Variants in ZNF536 observed in about 807,000 individuals in gnomAD.
The protein encoded by ZNF536 is zinc finger protein 536.
ZNF536 carries 13 observed loss-of-function variants against 84.5 expected under a neutral mutation model. The observed-to-expected ratio is 0.15, with a 90% CI of 0.10 to 0.24. The LOEUF (loss-of-function observed/expected upper bound fraction) is 0.24. Ranked by LOEUF, ZNF536 falls within the 10% of genes least tolerant of loss-of-function variation. The pLI is 1.00. For synonymous variants in ZNF536, 811 were observed against 742.5 expected (o/e 1.09, Z -1.50); for missense variants, 1,536 against 1,747.5 (o/e 0.88, Z 2.16).
chr19:30,353,651 C>T (rs899682999), intron 3 of ZNF536, among the ~76,000 whole-genome samples: 2 of 152,068 alleles, frequency 1.3e-5, no homozygotes, highest in Admixed American at 6.6e-5. Flanking sequence ...CACAGCATAT[C>T]GCCGGCAGGA....
chr19:30,523,147 G>A (rs761897938), intron 2 of ZNF536, among the ~76,000 whole-genome samples: 24 of 152,110 alleles, frequency 1.6e-4, no homozygotes, highest in Admixed American at 2.6e-4. Context: ...TGGGGTTGGC[G>A]CGGGGGCACT....
rs188307884 is a variant in ZNF536, at chr19:30,356,950, T to C, written c.-3+4466T>C. Among the ~76,000 whole-genome samples, 476 of 152,314 alleles carry C rather than the reference T, an allele frequency of 3.1e-3. 1 individual carries two copies. Among genetic ancestry groups the C allele is most frequent in the Middle Eastern group, 0.01 (3 of 294 alleles). ...TTCTTCCTGCCTCAAACCTGGTGGT[T>C]CGAGCATGGTTCTTCCCAATTTTAG... On this transcript the variant is annotated intron_variant, in intron 3 of 5. Transcript: ENST00000585628.
At chr19:30,365,919 G>GCCT (rs1239740945) in intron 3 of ZNF536, among the ~76,000 whole-genome samples, 1 of 152,064 alleles carries the variant, frequency 6.6e-6, no homozygotes, top group African/African-American at 2.4e-5. Flanking sequence ...AATTATATAA[G>GCCT]CCTTCATTTT....
chr19:30,587,706 G>T (rs2047141682), intron 1 of ZNF536, among the ~76,000 whole-genome samples: 1 of 152,222 alleles, frequency 6.6e-6, no homozygotes, highest in Non-Finnish European at 1.5e-5. Context: ...AGACTTCTGG[G>T]GAAAAGCTCC....
At chr19:30,693,021 G>A (rs34254453) in intron 1 of ZNF536, among the ~76,000 whole-genome samples, 42,830 of 150,288 alleles carry the variant, frequency 0.28, 6,642 homozygotes, top group East Asian at 0.44. Context: ...AAAACCTGGG[G>A]GGGAGAGAGA....
intron 1 of ZNF536, among the ~76,000 whole-genome samples, chr19:30,660,366 T>C (rs1360380742): frequency 6.6e-6 from 1 of 152,164 alleles, no homozygotes; most frequent in East Asian, 1.9e-4. Context: ...ATCTCTGATG[T>C]TGGGAAATGC....
intron 2 of ZNF536, among the ~76,000 whole-genome samples, chr19:30,305,573 G>A (rs2046317652): frequency 6.6e-6 from 1 of 152,196 alleles, no homozygotes; most frequent in Non-Finnish European, 1.5e-5. Context: ...TCATCACTGA[G>A]AAGCTGCAGG....
intron 1 of ZNF536, among the ~76,000 whole-genome samples, chr19:30,655,777 A>G (rs1011030702): frequency 6.6e-6 from 1 of 152,156 alleles, no homozygotes; most frequent in African/African-American, 2.4e-5. Context: ...GGTGGCTTAC[A>G]CCTGTAATCC....
intron 2 of ZNF536, among the ~76,000 whole-genome samples, chr19:30,487,723 G>A (rs1276273470): frequency 6.6e-6 from 1 of 152,196 alleles, no homozygotes; most frequent in African/African-American, 2.4e-5. Flanking sequence ...AGAGATAGTA[G>A]TAAACTAGCA....
rs1477305965 is a variant in ZNF536, at chr19:30,546,202, G to A, written c.2324-1741G>A. Among the ~76,000 whole-genome samples, 9 of 152,226 alleles carry A rather than the reference G, an allele frequency of 5.9e-5. No individual in the cohort carries two copies. The South Asian group carries it at 1.7e-3, about 28-fold the overall frequency. On this transcript the variant is annotated intron_variant, in intron 3 of 4. Coordinates refer to ENST00000355537, the MANE Select transcript of ZNF536 (RefSeq NM_014717.3). The stretch of plus-strand genomic sequence containing the variant: ...GATGTCTACATAGCAGTAGCTCAAT[G>A]AGTCTGAGTCTAACCTGGGACTGAC...
intron 4 of ZNF536, among the ~76,000 whole-genome samples, chr19:30,550,120 C>T (rs748786444): frequency 1.3e-5 from 2 of 152,178 alleles, no homozygotes; most frequent in Non-Finnish European, 2.9e-5. Context: ...CTGCGCTTGC[C>T]TTCTGTTTGT....
intron 1 of ZNF536, among the ~76,000 whole-genome samples, chr19:30,380,456 C>T (rs1046332339): frequency 4.6e-5 from 7 of 152,114 alleles, no homozygotes; most frequent in Non-Finnish European, 7.4e-5. Flanking sequence ...ACGGCTCGGC[C>T]CTGAGACACT....
chr19:30,334,856 C>T, intron 2 of ZNF536, among the ~76,000 whole-genome samples: 1 of 152,220 alleles, frequency 6.6e-6, no homozygotes. Flanking sequence ...ATTAGATTCT[C>T]ATAAGGAGCA....
At chr19:30,396,592 CTTTTTTTT>C (rs386388859) in intron 1 of ZNF536, among the ~76,000 whole-genome samples, 4 of 112,402 alleles carry the variant, frequency 3.6e-5, no homozygotes, top group Non-Finnish European at 5.4e-5. Context: ...AGGGCTCTCT[CTTTTTTTT>C]TTTTTTTTTT....
At chr19:30,296,361 C>G (rs548096995) in intron 2 of ZNF536, 3 of 152,374 alleles carry the variant, frequency 2.0e-5, no homozygotes, top group Middle Eastern at 3.4e-3. Flanking sequence ...GGCCAGGTGA[C>G]AGAACTCAGA....
chr19:30,634,467 T>C (rs1350055658), intron 1 of ZNF536, among the ~76,000 whole-genome samples: 1 of 152,098 alleles, frequency 6.6e-6, no homozygotes, highest in Non-Finnish European at 1.5e-5. Context: ...GTTCCTGCCA[T>C]GCCTCCAGTC....
intron 1 of ZNF536, among the ~76,000 whole-genome samples, chr19:30,565,152 G>T (rs1158522565): frequency 6.6e-6 from 1 of 150,756 alleles, no homozygotes; most frequent in Admixed American, 6.6e-5. Context: ...GGTGGGGAAT[G>T]TGTAGACCCC....
At chr19:30,640,855 G>T (rs558909845) in intron 1 of ZNF536, among the ~76,000 whole-genome samples, 1 of 152,228 alleles carries the variant, frequency 6.6e-6, no homozygotes, top group Non-Finnish European at 1.5e-5. Flanking sequence ...GTCAGCAGCA[G>T]AATGCCGTCA....
chr19:30,566,952 C>A (rs2046372874), intron 1 of ZNF536, among the ~76,000 whole-genome samples: 1 of 151,342 alleles, frequency 6.6e-6, no homozygotes, highest in South Asian at 2.1e-4. Context: ...CTGCCTGTGG[C>A]CTTTCCATGC....
Sources: gnomAD v4.1 joint callset for allele counts (sites outside exome capture counted in the v4.1 genomes callset) on GRCh38, gnomAD v4.1.1 for gene constraint, MANE v1.5 for transcripts, NCBI Gene and HGNC (gene_info 2026-07-23, HGNC 2026-07-21) for gene names.